SPATA17: variants seen among roughly 807,000 people sequenced by gnomAD.
The protein encoded by SPATA17 is spermatogenesis-associated protein 17.
Under a neutral mutation model 62.2 loss-of-function variants are expected in SPATA17, and 53 were observed. That is an observed-to-expected ratio of 0.85 (90% CI 0.68 to 1.07). SPATA17 has a LOEUF of 1.07. Among genes scored for constraint, SPATA17 ranks in the 50% least tolerant of loss-of-function variants. SPATA17 has a pLI of 0.00. For missense variants in SPATA17, 466 were observed against 425.5 expected (o/e 1.10, Z -0.84); for synonymous variants, 146 against 146.8 (o/e 0.99, Z 0.04).
At position 217,869,439 on chromosome 1, in the gene SPATA17, CTT is replaced by C. The variant is rs1336822143; in HGVS notation, c.*2421_*2422del. 1 of 152,050 alleles carries C rather than the reference CTT, an allele frequency of 6.6e-6. No homozygotes were observed. Among genetic ancestry groups the C allele is most frequent in the East Asian group, 1.9e-4 (1 of 5,178 alleles). The allele number at this position is 152,050 out of a possible 1,614,324, so 9.4% of individuals were successfully genotyped here. A position where few individuals can be genotyped will look rare whatever the true frequency, so the allele number is the denominator to read the frequency against. On this transcript the variant is annotated 3_prime_UTR_variant, in exon 11 of 11. Transcript: ENST00000366933. ...ATCTGACTTAAAAAGGTGTCAGACT[CTT>C]AGTAAATTATCTCCTGGATCAGTGA...
At position 217,671,669 on chromosome 1, in the gene SPATA17, C is replaced by T. The variant is rs192067971; in HGVS notation, c.291+2586C>T. 2.6e-5 allele frequency among the ~76,000 whole-genome samples: 4 copies of T among 152,146 alleles called. No homozygotes were observed. In the East Asian group the frequency reaches 7.7e-4, roughly 29 times the overall value. ...TCCTCCTCCTTATTGCCTTTTCTCT[C>T]CAAAACAACATTTTGGGAGAGAAGC... On this transcript the variant is annotated intron_variant, in intron 4 of 10. Coordinates refer to ENST00000366933, the MANE Select transcript of SPATA17 (RefSeq NM_138796.4).
At chr1:217,856,370 G>A (rs1454781646) in intron 9 of SPATA17, among the ~76,000 whole-genome samples, 1 of 152,164 alleles carries the variant, frequency 6.6e-6, no homozygotes, top group East Asian at 1.9e-4. Flanking sequence ...AAACACGGCA[G>A]AGGCTAAATA....
At chr1:217,637,404 T>C (rs1184171192) in intron 1 of SPATA17, among the ~76,000 whole-genome samples, 1 of 152,102 alleles carries the variant, frequency 6.6e-6, no homozygotes, top group East Asian at 1.9e-4. Flanking sequence ...GTTCATCAAA[T>C]ACATAAGCCC....
chr1:217,671,346 T>A (rs1284906304), intron 4 of SPATA17, among the ~76,000 whole-genome samples: 1 of 152,222 alleles, frequency 6.6e-6, no homozygotes, highest in Non-Finnish European at 1.5e-5. Context: ...TATTCAGTCA[T>A]GCCACCCTCT....
At chr1:217,688,432 C>T (rs772441011) in intron 5 of SPATA17, among the ~76,000 whole-genome samples, 2 of 152,080 alleles carry the variant, frequency 1.3e-5, no homozygotes, top group Non-Finnish European at 2.9e-5. Flanking sequence ...TTGGTTTTGC[C>T]ATTCTTCAAA....
At chr1:217,832,166 C>G (rs1033485794) in intron 9 of SPATA17, among the ~76,000 whole-genome samples, 1 of 152,040 alleles carries the variant, frequency 6.6e-6, no homozygotes, top group Non-Finnish European at 1.5e-5. Flanking sequence ...AAATCCTTAT[C>G]TACTTTCCAG....
chr1:217,812,949 T>C (rs1057512590), intron 9 of SPATA17, among the ~76,000 whole-genome samples: 19 of 152,180 alleles, frequency 1.2e-4, no homozygotes, highest in African/African-American at 4.6e-4. Flanking sequence ...ATAGAGCTTT[T>C]CCTCATACGT....
At chr1:217,864,972 CTCT>C (rs1453327419) in intron 10 of SPATA17, among the ~76,000 whole-genome samples, 1 of 151,810 alleles carries the variant, frequency 6.6e-6, no homozygotes, top group African/African-American at 2.4e-5. Context: ...TATTTGCCAG[CTCT>C]TCTTTTCAAT....
At chr1:217,662,002 G>C (rs1670582241) in intron 3 of SPATA17, among the ~76,000 whole-genome samples, 1 of 152,102 alleles carries the variant, frequency 6.6e-6, no homozygotes, top group South Asian at 2.1e-4. Flanking sequence ...ATTCTTTTAA[G>C]CAATAGTACC....
chr1:217,834,973 G>A (rs991594767), intron 9 of SPATA17, among the ~76,000 whole-genome samples: 1 of 152,078 alleles, frequency 6.6e-6, no homozygotes, highest in African/African-American at 2.4e-5. Flanking sequence ...TTATAATAGT[G>A]TTACAGTTGC....
intron 9 of SPATA17, among the ~76,000 whole-genome samples, chr1:217,805,331 A>T (rs762218637): frequency 5.9e-5 from 9 of 152,200 alleles, no homozygotes; most frequent in Admixed American, 2.0e-4. Flanking sequence ...GAAAAAAATC[A>T]AACTCAGAAG....
chr1:217,830,692 C>T (rs528046742), intron 9 of SPATA17, among the ~76,000 whole-genome samples: 1 of 152,164 alleles, frequency 6.6e-6, no homozygotes, highest in East Asian at 1.9e-4. Context: ...GCCATACTTC[C>T]AGGCTGATTA....
chr1:217,854,856 G>A (rs980671316), intron 9 of SPATA17, among the ~76,000 whole-genome samples: 5 of 152,060 alleles, frequency 3.3e-5, no homozygotes, highest in African/African-American at 1.2e-4. Context: ...ACAAGTTCAC[G>A]GTTTCCCCAG....
Position 217,696,338 on chromosome 1 carries a change from G to A in SPATA17, c.395+12977G>A, listed in dbSNP as rs552838702. Among the ~76,000 whole-genome samples, 255 of 152,256 alleles carry A rather than the reference G, an allele frequency of 1.7e-3. 1 individual carries two copies. The highest frequency in any genetic ancestry group is 2.4e-3 in the Non-Finnish European group (161 of 68,014). On this transcript the variant is annotated intron_variant, in intron 5 of 10. Transcript: ENST00000366933. ...AGCTTCCCAGGTGAGGCAATGCCTC[G>A]CCCTGCTTCGGCTCGCGCACAGTGC...
At chr1:217,806,916 A>G (rs1674448450) in intron 9 of SPATA17, among the ~76,000 whole-genome samples, 1 of 152,140 alleles carries the variant, frequency 6.6e-6, no homozygotes, top group Middle Eastern at 3.2e-3. Flanking sequence ...CATGTAACAT[A>G]CAAGTTATAT....
intron 1 of SPATA17, among the ~76,000 whole-genome samples, chr1:217,647,658 T>C (rs12409969): frequency 0.053 from 8,068 of 152,180 alleles, 692 homozygotes; most frequent in African/African-American, 0.18. Context: ...CTTTAAGCTG[T>C]TCTCCCTCCC....
intron 9 of SPATA17, among the ~76,000 whole-genome samples, chr1:217,838,653 C>T (rs1423475679): frequency 6.6e-6 from 1 of 151,998 alleles, no homozygotes; most frequent in South Asian, 2.1e-4. Flanking sequence ...AAAAAGAAAT[C>T]ACTTTTGTTC....
intron 9 of SPATA17, among the ~76,000 whole-genome samples, chr1:217,832,010 T>G (rs537072604): frequency 1.3e-5 from 2 of 152,280 alleles, no homozygotes; most frequent in Admixed American, 1.3e-4. Flanking sequence ...TTATACCTGT[T>G]TGAATCTGAA....
chr1:217,759,351 C>G (rs895455113), intron 6 of SPATA17, among the ~76,000 whole-genome samples: 3 of 151,682 alleles, frequency 2.0e-5, no homozygotes, highest in South Asian at 2.1e-4. Context: ...CCCAGCTACT[C>G]GGGAGGCTGA....
Sources: gnomAD v4.1 joint callset for allele counts (sites outside exome capture counted in the v4.1 genomes callset) on GRCh38, gnomAD v4.1.1 for gene constraint, MANE v1.5 for transcripts, NCBI Gene and HGNC (gene_info 2026-07-23, HGNC 2026-07-21) for gene names.